Variants in RIT2 observed in about 807,000 individuals in gnomAD.
The protein encoded by RIT2 is GTP-binding protein Rit2.
RIT2 carries 24 observed loss-of-function variants against 23.7 expected under a neutral mutation model. That is an observed-to-expected ratio of 1.01 (90% CI 0.73 to 1.43). The LOEUF (loss-of-function observed/expected upper bound fraction) is 1.43. RIT2 is among the 40% of genes most tolerant of loss of function. The probability of loss-of-function intolerance (pLI) is 0.00; values close to 1 mark genes in which losing one functional copy is unlikely to be tolerated. For missense variants in RIT2, 236 were observed against 266.9 expected (o/e 0.88, Z 0.81); for synonymous variants, 107 against 91.1 (o/e 1.17, Z -0.99).
At chr18:42,771,534 T>C (rs1913551696) in intron 4 of RIT2, among the ~76,000 whole-genome samples, 1 of 152,200 alleles carries the variant, frequency 6.6e-6, no homozygotes, top group Non-Finnish European at 1.5e-5. Context: ...GCTGTTTTTG[T>C]ATTTTTTTCT....
At chr18:42,900,256 CAT>C (rs1475709125) in intron 4 of RIT2, among the ~76,000 whole-genome samples, 2 of 151,992 alleles carry the variant, frequency 1.3e-5, no homozygotes, top group Non-Finnish European at 1.5e-5. Flanking sequence ...TAAAACCTCA[CAT>C]GTGTCAGATA....
chr18:43,065,259 A>G lies in RIT2; in HGVS notation c.104-31392T>C, dbSNP rs75637057. On this transcript the variant is annotated intron_variant, in intron 1 of 4. Transcript: ENST00000326695. ...TTTTTTTTTTAGAGACATGGTCTCAATCTGTTGCCCAGGTTGGAGTGCAGT... is the reference window on the plus strand; with the variant it reads ...TTTTTTTTTTAGAGACATGGTCTCAGTCTGTTGCCCAGGTTGGAGTGCAGT... 8.9e-3 allele frequency among the ~76,000 whole-genome samples: 1,121 copies of G among 125,756 alleles called. 27 individuals are homozygous for G. Among genetic ancestry groups the G allele is most frequent in the African/African-American group, 0.033 (1,068 of 32,182 alleles). The allele number at this position is 125,756 out of a possible 152,430, so 82.5% of individuals were successfully genotyped here. A position where few individuals can be genotyped will look rare whatever the true frequency, so the allele number is the denominator to read the frequency against.
chr18:43,075,899 C>A (rs563191804), intron 1 of RIT2, among the ~76,000 whole-genome samples: 1 of 152,184 alleles, frequency 6.6e-6, no homozygotes, highest in South Asian at 2.1e-4. Flanking sequence ...TGTATGAATC[C>A]AAAGCTCATT....
intron 4 of RIT2, among the ~76,000 whole-genome samples, chr18:42,907,351 C>T (rs772516886): frequency 2.0e-5 from 3 of 152,106 alleles, no homozygotes; most frequent in Non-Finnish European, 4.4e-5. Flanking sequence ...AGTAAAATAA[C>T]TTGGAATGAT....
Position 42,923,589 on chromosome 18 carries a change from G to A in RIT2, c.409C>T (p.Leu137=). Residue 137 remains leucine (L), a synonymous_variant, in exon 4 of 5, where the codon CTG becomes TTG. Transcript: ENST00000326695. ...GCACTCACCTGGCGGAACTGTTCCA[G>A]ATCAATTTTGTTACCCACCAGCACC... ...PLVLVGNKID[L]EQFRQVSTEE... The A allele has an allele frequency of 6.2e-7, 1 of 1,613,258 alleles. No individual in the cohort carries two copies. Among genetic ancestry groups the A allele is most frequent in the Non-Finnish European group, 8.5e-7 (1 of 1,179,510 alleles).
At chr18:43,044,115 G>T (rs1912192683) in intron 1 of RIT2, among the ~76,000 whole-genome samples, 1 of 152,074 alleles carries the variant, frequency 6.6e-6, no homozygotes, top group Non-Finnish European at 1.5e-5. Flanking sequence ...TTAAAGTCAA[G>T]GTAAAAGGGA....
chr18:42,866,262 T>C (rs1418594371), intron 4 of RIT2, among the ~76,000 whole-genome samples: 2 of 152,194 alleles, frequency 1.3e-5, no homozygotes, highest in African/African-American at 4.8e-5. Context: ...CCTTAAGATA[T>C]ACTTAATATT....
intron 4 of RIT2, among the ~76,000 whole-genome samples, chr18:42,775,917 TTTC>T (rs760611267): frequency 1.8e-4 from 28 of 151,776 alleles, no homozygotes; most frequent in Non-Finnish European, 3.8e-4. Context: ...ACTTTCATAC[TTTC>T]TTTTCTCCTT....
chr18:43,097,951 A>G (rs1196502253), intron 1 of RIT2, among the ~76,000 whole-genome samples: 5 of 151,996 alleles, frequency 3.3e-5, no homozygotes, highest in Admixed American at 3.3e-4. Flanking sequence ...ATTAATCAAT[A>G]AAGGTGGAAG....
intron 4 of RIT2, among the ~76,000 whole-genome samples, chr18:42,906,887 G>A (rs933695330): frequency 2.6e-5 from 4 of 152,176 alleles, no homozygotes; most frequent in East Asian, 1.9e-4. Flanking sequence ...CTAGCCAACC[G>A]TCCTGCCTAT....
At chr18:43,073,787 TAA>T (rs903208395) in intron 1 of RIT2, among the ~76,000 whole-genome samples, 3 of 152,100 alleles carry the variant, frequency 2.0e-5, no homozygotes, top group African/African-American at 7.2e-5. Flanking sequence ...CCATAAAACA[TAA>T]GAGTCCTATA....
chr18:42,872,028 A>G (rs910318920), intron 4 of RIT2, among the ~76,000 whole-genome samples: 1 of 152,168 alleles, frequency 6.6e-6, no homozygotes, highest in Non-Finnish European at 1.5e-5. Context: ...GAGGAAAGTG[A>G]ATATCCAGGG....
In RIT2 at chr18:42,746,025, A is replaced by AT. The variant is rs11409536; in HGVS notation, c.427-2306dup. Among the ~76,000 whole-genome samples the AT allele has an allele frequency of 9.8e-3, 1,487 of 152,148 alleles. 19 individuals carry two copies. Among genetic ancestry groups the AT allele is most frequent in the African/African-American group, 0.034 (1,398 of 41,516 alleles). On this transcript the variant is annotated intron_variant, in intron 4 of 4. Transcript: ENST00000326695. ...CTGCTTTTTAGCAGCTAAGGAGTAGATTTTTGGCAGCTCTGCTCCAGGCTG... is the reference window on the plus strand; with the variant it reads ...CTGCTTTTTAGCAGCTAAGGAGTAGATTTTTTGGCAGCTCTGCTCCAGGCTG...
At chr18:42,762,719 T>A (rs987647570) in intron 4 of RIT2, among the ~76,000 whole-genome samples, 7 of 152,254 alleles carry the variant, frequency 4.6e-5, no homozygotes, top group Non-Finnish European at 1.0e-4. Flanking sequence ...AGGAAATAGC[T>A]TCCTTCAATG....
chr18:42,780,062 T>TTTG (rs1913774513), intron 4 of RIT2, among the ~76,000 whole-genome samples: 1 of 138,184 alleles, frequency 7.2e-6, no homozygotes, highest in Non-Finnish European at 1.6e-5. Flanking sequence ...TTTTTTTTTT[T>TTTG]TTTTTTTTTT....
chr18:43,031,471 G>A (rs9950218), intron 2 of RIT2, among the ~76,000 whole-genome samples: 145,868 of 152,060 alleles, frequency 0.96, 70,237 homozygotes, highest in East Asian at 1. Context: ...CCCTTACAAA[G>A]ACAGTAATGT....
intron 4 of RIT2, among the ~76,000 whole-genome samples, chr18:42,811,723 G>T (rs928310588): frequency 6.6e-6 from 1 of 152,026 alleles, no homozygotes; most frequent in Non-Finnish European, 1.5e-5. Context: ...AGTTGAAACG[G>T]AATGGAAGGA....
At position 42,952,017 on chromosome 18, in the gene RIT2, T is replaced by C. The variant is rs995068202; in HGVS notation, c.234+22057A>G. ...GGGGAATTCCCTCTTTATAAAACCATTGGATCTCCTAAGATGTATTCACTG... is the reference window on the plus strand; with the variant it reads ...GGGGAATTCCCTCTTTATAAAACCACTGGATCTCCTAAGATGTATTCACTG... On this transcript the variant is annotated intron_variant, in intron 3 of 4. Transcript: ENST00000326695. 1.1e-4 allele frequency among the ~76,000 whole-genome samples: 16 copies of C among 152,022 alleles called. No homozygotes were observed. In the East Asian group the frequency reaches 1.4e-3, roughly 13 times the overall value.
chr18:43,010,591 C>T (rs999801258), intron 2 of RIT2, among the ~76,000 whole-genome samples: 2 of 151,676 alleles, frequency 1.3e-5, no homozygotes, highest in Non-Finnish European at 2.9e-5. Context: ...ATAATAGTTG[C>T]TTTTTAAAAC....
Sources: gnomAD v4.1 joint callset for allele counts (sites outside exome capture counted in the v4.1 genomes callset) on GRCh38, gnomAD v4.1.1 for gene constraint, MANE v1.5 for transcripts, NCBI Gene and HGNC (gene_info 2026-07-23, HGNC 2026-07-21) for gene names.